Variants in RASSF2 observed in about 807,000 individuals in gnomAD.
The protein encoded by RASSF2 is ras association domain-containing protein 2.
In RASSF2, 34 loss-of-function variants were observed where a neutral mutation model predicts 46.3. The ratio of observed to expected loss-of-function variants is 0.73; its 90% CI spans 0.56 to 0.98. The LOEUF (loss-of-function observed/expected upper bound fraction) is 0.98. RASSF2 is among the 50% of genes least tolerant of loss of function. RASSF2 has a pLI of 0.00. For missense variants in RASSF2, 364 were observed against 431.2 expected (o/e 0.84, Z 1.38); for synonymous variants, 158 against 162.5 (o/e 0.97, Z 0.21).
At chr20:4,814,405 A>C (rs146437910) in intron 2 of RASSF2, among the ~76,000 whole-genome samples, 2 of 152,294 alleles carry the variant, frequency 1.3e-5, no homozygotes, top group African/African-American at 4.8e-5. Context: ...CTCTGACTTC[A>C]CATCCCCTTC....
At chr20:4,787,856 A>G in intron 9 of RASSF2, 102 bp from the exon 10 acceptor site, 6 of 1,400,728 alleles carry the variant, frequency 4.3e-6, no homozygotes, top group Non-Finnish European at 5.0e-6. Flanking sequence ...GCCGCCATAT[A>G]CGTCAGGAGA....
intron 2 of RASSF2, among the ~76,000 whole-genome samples, chr20:4,819,391 C>T (rs2423046): frequency 0.2 from 30,582 of 152,090 alleles, 3,261 homozygotes; most frequent in South Asian, 0.29. Context: ...GTACAAAGTA[C>T]ACTCCCTTTG....
intron 2 of RASSF2, among the ~76,000 whole-genome samples, chr20:4,804,511 G>C (rs866934594): frequency 6.6e-6 from 1 of 151,890 alleles, no homozygotes. Flanking sequence ...CTAATTTTTT[G>C]TATTTTTAGT....
In RASSF2 at chr20:4,784,233, G is replaced by A. The variant is rs41279438; in HGVS notation, c.*40C>T. 4 of 1,572,922 alleles carry A rather than the reference G, an allele frequency of 2.5e-6. No individual in the cohort carries two copies. The African/African-American group carries it at 4.1e-5, about 16-fold the overall frequency. On this transcript the variant is annotated 3_prime_UTR_variant, in exon 12 of 12. Transcript: ENST00000379400. ...GCTTCCTGGGGGTCTTATGGGCAATGGCGGTTCCTGGGGTGCCCAGATCCC... is the reference window on the plus strand; with the variant it reads ...GCTTCCTGGGGGTCTTATGGGCAATAGCGGTTCCTGGGGTGCCCAGATCCC...
chr20:4,820,780 AGAG>A lies in RASSF2; in HGVS notation c.-33+1546_-33+1548del, dbSNP rs1928638836. Among the ~76,000 whole-genome samples the A allele has an allele frequency of 2.0e-5, 3 of 152,224 alleles. No individual in the cohort carries two copies. In the South Asian group the frequency reaches 6.2e-4, roughly 32 times the overall value. ...CCTGCCCTGTTTCTCGCTCTGGAAG[AGAG>A]GAGGAGATGAGTCCTGGGACTACTC... On this transcript the variant is annotated intron_variant, in intron 2 of 11. Transcript: ENST00000379400.
At chr20:4,791,532 T>C (rs2422995) in intron 6 of RASSF2, among the ~76,000 whole-genome samples, 114,890 of 152,058 alleles carry the variant, frequency 0.76, 43,612 homozygotes, top group African/African-American at 0.82. Flanking sequence ...TGTGTATAAA[T>C]ATACAATACT....
chr20:4,786,894 C>T (rs965787982), intron 10 of RASSF2, among the ~76,000 whole-genome samples: 3 of 151,932 alleles, frequency 2.0e-5, no homozygotes, highest in Non-Finnish European at 2.9e-5. Flanking sequence ...GACCAGCTGG[C>T]CAACATGGTG....
chr20:4,800,871 A>G, intron 3 of RASSF2, 101 bp downstream of exon 3: 1 of 973,634 alleles, frequency 1.0e-6, no homozygotes, highest in Middle Eastern at 2.3e-4. Context: ...CACCAGTCTG[A>G]TATACAGTGG....
chr20:4,803,469 G>C (rs926783040), intron 2 of RASSF2, among the ~76,000 whole-genome samples: 16 of 152,096 alleles, frequency 1.1e-4, no homozygotes, highest in Non-Finnish European at 2.1e-4. Context: ...ATCAATTAGC[G>C]TTGGCCAGGC....
In RASSF2 at chr20:4,789,682, G is replaced by C; in HGVS notation, c.553C>G (p.Pro185Ala). Residue 185 changes from proline (P) to alanine (A), a missense_variant, in exon 8 of 12, where the codon CCA becomes GCA. Coordinates refer to ENST00000379400, the MANE Select transcript of RASSF2 (RefSeq NM_014737.3). Reference protein sequence around the residue: ...FYNHKTSVFTPAYGSVTNVRI... With the variant: ...FYNHKTSVFTAAYGSVTNVRI... The stretch of plus-strand genomic sequence containing the variant: ...ACGTTGGTGACAGAGCCATAGGCTG[G>C]TGTGAACACGGATGTCTGTCAATAG... 1.2e-6 allele frequency: 2 copies of C among 1,614,086 alleles called. No homozygotes were observed. Among genetic ancestry groups the C allele is most frequent in the Non-Finnish European group, 1.7e-6 (2 of 1,179,994 alleles).
At chr20:4,805,090 G>C (rs1308570305) in intron 2 of RASSF2, among the ~76,000 whole-genome samples, 1 of 152,124 alleles carries the variant, frequency 6.6e-6, no homozygotes, top group Non-Finnish European at 1.5e-5. Context: ...GGTGGGCAAT[G>C]CTGGGCCATG....
intron 1 of RASSF2, among the ~76,000 whole-genome samples, chr20:4,822,806 G>A (rs111830170): frequency 0.041 from 6,289 of 151,980 alleles, 418 homozygotes; most frequent in African/African-American, 0.14. Flanking sequence ...GCCGGGGACT[G>A]GGACCTGCCT....
Position 4,795,932 on chromosome 20 carries a change from T to C in RASSF2, c.170A>G (p.Asn57Ser). Residue 57 changes from asparagine to serine, a missense_variant, in exon 5 of 12, where the codon AAC becomes AGC. By Grantham distance (46) the Asn-to-Ser change is conservative. Coordinates refer to ENST00000379400, the MANE Select transcript of RASSF2 (RefSeq NM_014737.3). The surrounding 1 kb of genome is among the most constrained non-coding windows in gnomAD (Gnocchi z 4.0). Reference protein sequence around the residue: ...EDEFIVEGLLNISWGLRRPIR... With the variant: ...EDEFIVEGLLSISWGLRRPIR... Reference sequence around the variant, plus strand: ...GGGCCGGCGCAGGCCCCAGGAGATGTTCAGGAGCCCCTCCACAATGAACTC... The same window carrying C: ...GGGCCGGCGCAGGCCCCAGGAGATGCTCAGGAGCCCCTCCACAATGAACTC... 9 of 1,561,646 alleles carry C rather than the reference T, an allele frequency of 5.8e-6. No homozygotes were observed. Among genetic ancestry groups the C allele is most frequent in the Non-Finnish European group, 7.8e-6 (9 of 1,149,122 alleles).
chr20:4,819,587 C>A (rs1300927972), intron 2 of RASSF2, among the ~76,000 whole-genome samples: 1 of 152,158 alleles, frequency 6.6e-6, no homozygotes, highest in Admixed American at 6.5e-5. Context: ...ACCAGTGGAA[C>A]ATGGGCAGGA....
intron 11 of RASSF2, among the ~76,000 whole-genome samples, chr20:4,784,773 G>A (rs1925157682): frequency 6.6e-6 from 1 of 152,066 alleles, no homozygotes; most frequent in South Asian, 2.1e-4. Context: ...ACCCTCTTGG[G>A]GATCCTACAA....
chr20:4,800,119 A>G (rs909270918), intron 3 of RASSF2, among the ~76,000 whole-genome samples: 5 of 152,206 alleles, frequency 3.3e-5, no homozygotes, highest in Non-Finnish European at 7.3e-5. Flanking sequence ...CTAAAAAAAA[A>G]AAAAAGAGAT....
intron 2 of RASSF2, among the ~76,000 whole-genome samples, chr20:4,803,055 A>T (rs572792526): frequency 6.6e-6 from 1 of 152,024 alleles, no homozygotes; most frequent in East Asian, 1.9e-4. Context: ...GACTAAAGGC[A>T]TATGCCATGA....
intron 8 of RASSF2, among the ~76,000 whole-genome samples, 195 bp from the exon 9 acceptor site, chr20:4,788,463 A>C (rs550095749): frequency 1.1e-3 from 170 of 152,352 alleles, no homozygotes; most frequent in African/African-American, 4.0e-3. Context: ...ACAGTCATGC[A>C]CTTAACCACG....
In RASSF2 at chr20:4,799,637, C is replaced by T. The variant is rs73588960; in HGVS notation, c.59+1335G>A. On this transcript the variant is annotated intron_variant, in intron 3 of 11. Coordinates refer to ENST00000379400, the MANE Select transcript of RASSF2 (RefSeq NM_014737.3). ...TTCGAAATCACCTAAGACAAAAGGC[C>T]GTTTGGTACTTTTGAACACACAGAT... Among the ~76,000 whole-genome samples, 1,175 of 152,236 alleles carry T rather than the reference C, an allele frequency of 7.7e-3. 20 individuals carry two copies. The highest frequency in any genetic ancestry group is 0.027 in the African/African-American group (1,129 of 41,526).
Sources: gnomAD v4.1 joint callset for allele counts (sites outside exome capture counted in the v4.1 genomes callset) on GRCh38, gnomAD v4.1.1 for gene constraint, Gnocchi (gnomAD v3.1) non-coding constraint, MANE v1.5 for transcripts, NCBI Gene and HGNC (gene_info 2026-07-23, HGNC 2026-07-21) for gene names.